METTL17: variants seen among roughly 807,000 people sequenced by gnomAD.
METTL17 encodes the protein ribosome assembly protein METTL17, mitochondrial.
METTL17 carries 49 observed loss-of-function variants against 59.4 expected under a neutral mutation model. The ratio of observed to expected loss-of-function variants is 0.82; its 90% CI spans 0.66 to 1.05. METTL17 has a LOEUF of 1.05. Among genes scored for constraint, METTL17 ranks in the 50% least tolerant of loss-of-function variants. The probability of loss-of-function intolerance (pLI) is 0.00; values close to 1 mark genes in which losing one functional copy is unlikely to be tolerated. For missense variants in METTL17, 555 were observed against 578.4 expected, an observed-to-expected ratio of 0.96 and a Z score of 0.41; for synonymous variants, 208 against 209.2, an observed-to-expected ratio of 0.99 and a Z score of 0.05.
rs1000662131 is a variant in METTL17, at chr14:20,992,437, G to A, written c.447-104G>A. ...TTTTGTATTGGGGAGTGAAAGGCCT[G>A]AGCTGGAAGAGCCCTTTCCAAGATG... is the stretch of plus-strand genomic sequence containing the variant. On this transcript the variant is annotated intron_variant, in intron 4 of 13. Coordinates refer to ENST00000339374, the MANE Select transcript of METTL17 (RefSeq NM_022734.3). The A allele has an allele frequency of 3.4e-5, 33 of 975,100 alleles. No homozygotes were observed. In the East Asian group the frequency reaches 6.0e-4, roughly 18 times the overall value. The allele number at this position is 975,100 out of a possible 1,614,324, so 60.4% of individuals were successfully genotyped here.
At chr14:20,990,743 T>G (rs1271183099) in intron 3 of METTL17, 145 bp downstream of exon 3, 1 of 994,958 alleles carries the variant, frequency 1.0e-6, no homozygotes, top group Admixed American at 2.8e-5. Flanking sequence ...AATGATGCCT[T>G]ACTAAAAGAA....
chr14:20,990,785 G>T (rs921374312), intron 3 of METTL17, 187 bp downstream of exon 3: 2 of 712,742 alleles, frequency 2.8e-6, no homozygotes, highest in Non-Finnish European at 2.3e-6. Context: ...CTTAGGTAAA[G>T]GTCAGAATGT....
intron 12 of METTL17, 85 bp downstream of exon 12, chr14:20,996,377 A>ACC: frequency 6.6e-7 from 1 of 1,514,196 alleles, no homozygotes. Context: ...GGAGTTGGAT[A>ACC]ATTTGTAGAA....
chr14:20,990,736 G>A, intron 3 of METTL17, 138 bp downstream of exon 3: 1 of 1,051,640 alleles, frequency 9.5e-7, no homozygotes, highest in Non-Finnish European at 1.4e-6. Flanking sequence ...TTGTTACAAT[G>A]ATGCCTTACT....
chr14:20,991,110 G>GAACC (rs2054697299), intron 3 of METTL17, among the ~76,000 whole-genome samples: 1 of 152,104 alleles, frequency 6.6e-6, no homozygotes, highest in Admixed American at 6.6e-5. Flanking sequence ...TTACAGGCAT[G>GAACC]AACCACCGCG....
At position 20,990,470 on chromosome 14, in the gene METTL17, C is replaced by T; in HGVS notation, c.236C>T (p.Ala79Val). The change falls in exon 3 of 14, where the codon GCT becomes GTT. Residue 79 changes from alanine (A) to valine (V), a missense_variant. By Grantham distance (64) the Ala-to-Val change is moderately conservative. Transcript: ENST00000339374. ...NGAQLLLLGS[A>V]GPTMENQVQT... Reference sequence around the variant, plus strand: ...TTTCGTCTTTGGCCCATAGGGAGCGCTGGGCCCACTATGGAGAATCAGGTG... The same window carrying T: ...TTTCGTCTTTGGCCCATAGGGAGCGTTGGGCCCACTATGGAGAATCAGGTG... 1.2e-6 allele frequency: 2 copies of T among 1,614,210 alleles called. No individual in the cohort carries two copies. Among genetic ancestry groups the T allele is most frequent in the South Asian group, 1.1e-5 (1 of 91,088 alleles).
In METTL17 at chr14:20,996,928, G is replaced by A. The variant is rs199559867; in HGVS notation, c.*38G>A. On this transcript the variant is annotated 3_prime_UTR_variant, in exon 14 of 14. Transcript: ENST00000339374. Reference sequence around the variant, plus strand: ...ACAAGTATTTTCTTCTATCGTGCCTGCCAGGGCTGAAGCTGCCTGGTATCC... The same window carrying A: ...ACAAGTATTTTCTTCTATCGTGCCTACCAGGGCTGAAGCTGCCTGGTATCC... The A allele has an allele frequency of 1.7e-4, 274 of 1,573,886 alleles. 2 individuals are homozygous for A. The African/African-American group carries it at 3.5e-3, about 20-fold the overall frequency.
chr14:20,994,866 G>A lies in METTL17; in HGVS notation c.841G>A (p.Val281Ile). The change falls in exon 9 of 14, where the codon GTT (valine) becomes ATT (isoleucine). Residue 281 changes from valine (V) to isoleucine (I), a missense_variant. Val to Ile is a conservative substitution (Grantham distance 29, BLOSUM62 3). Coordinates refer to ENST00000339374, the MANE Select transcript of METTL17 (RefSeq NM_022734.3). ...LPSKADRTEV[V>I]QTLWRKTGHF... Reference sequence around the variant, plus strand: ...CAGCAAGGCTGACCGCACTGAGGTAGTTCAAACCTTATGGCGTAAGACAGG... The same window carrying A: ...CAGCAAGGCTGACCGCACTGAGGTAATTCAAACCTTATGGCGTAAGACAGG... 2 of 1,614,102 alleles carry A rather than the reference G, an allele frequency of 1.2e-6. No individual in the cohort carries two copies. The highest frequency in any genetic ancestry group is 8.5e-7 in the Non-Finnish European group (1 of 1,179,994).
At chr14:20,991,537 T>A (rs2741735) in intron 3 of METTL17, among the ~76,000 whole-genome samples, 48,894 of 106,932 alleles carry the variant, frequency 0.46, 7,951 homozygotes, top group Middle Eastern at 0.58. Context: ...TTAAAAAAAA[T>A]TTTTTTTTTT....
Position 20,996,267 on chromosome 14 carries a change from C to T in METTL17, c.1055C>T (p.Ala352Val), listed in dbSNP as rs758407608. 49 of 1,613,974 alleles carry T rather than the reference C, an allele frequency of 3.0e-5. No individual in the cohort carries two copies. The East Asian group carries it at 6.5e-4, about 21-fold the overall frequency. The change falls in exon 12 of 14, where the codon GCG becomes GTG. Residue 352 changes from alanine (A) to valine (V), a missense_variant. By Grantham distance (64) the Ala-to-Val change is moderately conservative. Transcript: ENST00000339374. ...AACCTGGCCTGTAGCTTCTCACAGGCGTACCATCCCATCCCCTTCAGCTGG... is the reference window on the plus strand; with the variant it reads ...AACCTGGCCTGTAGCTTCTCACAGGTGTACCATCCCATCCCCTTCAGCTGG... ...LTNLACSFSQ[A>V]YHPIPFSWNK...
At position 20,994,009 on chromosome 14, in the gene METTL17, A is replaced by G; in HGVS notation, c.643A>G (p.Met215Val). ...SIWGQSLREY[M>V]CVDRSAAMLV... ...TTGGGGCCAGAGCCTACGTGAATAT[A>G]TGTGTGTGGACAGATCAGCTGCCAT... The change falls in exon 7 of 14, where the codon ATG becomes GTG. Residue 215 changes from methionine to valine, a missense_variant. Transcript: ENST00000339374. 6.2e-7 allele frequency: 1 copy of G among 1,613,748 alleles called. No individual in the cohort carries two copies. The highest frequency in any genetic ancestry group is 8.5e-7 in the Non-Finnish European group (1 of 1,179,846).
intron 3 of METTL17, 146 bp from the exon 4 acceptor site, chr14:20,991,978 C>T (rs767993306): frequency 1.3e-5 from 9 of 676,692 alleles, no homozygotes; most frequent in Non-Finnish European, 2.3e-5. Flanking sequence ...TTGCCTGAAA[C>T]TTTTCTCTAG....
chr14:20,991,140 T>G (rs974485775), intron 3 of METTL17, among the ~76,000 whole-genome samples: 6 of 152,170 alleles, frequency 3.9e-5, no homozygotes, highest in African/African-American at 1.4e-4. Flanking sequence ...CAATATACTG[T>G]TAAAATCTAG....
At chr14:20,994,738 G>C in intron 8 of METTL17, 56 bp from the exon 9 acceptor site, 3 of 1,541,204 alleles carry the variant, frequency 1.9e-6, no homozygotes, top group Non-Finnish European at 2.7e-6. Context: ...GGACTTTGTT[G>C]TATTCTTGGG....
chr14:20,990,552 G>A lies in METTL17; in HGVS notation c.318G>A (p.Leu106=). Residue 106 remains leucine (L), a synonymous_variant, in exon 3 of 14, where the codon TTG becomes TTA. Coordinates refer to ENST00000339374, the MANE Select transcript of METTL17 (RefSeq NM_022734.3). ...ATTTGCCTGTAGAGCCAGAGGAGTT[G>A]CAAAGACGGGCTAGGCATCTTGAGA... is the stretch of plus-strand genomic sequence containing the variant. The part of the protein sequence containing the change: ...SRHLPVEPEE[L]QRRARHLEKK... The A allele has an allele frequency of 6.2e-7, 1 of 1,614,236 alleles. No homozygotes were observed. Among genetic ancestry groups the A allele is most frequent in the Non-Finnish European group, 8.5e-7 (1 of 1,180,050 alleles).
In METTL17 at chr14:20,996,675, T is replaced by C; in HGVS notation, c.1229T>C (p.Met410Thr). The change falls in exon 13 of 14, where the codon ATG becomes ACG. Residue 410 changes from methionine (M) to threonine (T), a missense_variant. Transcript: ENST00000339374. ...HCHLCCPDGHMQHAVLTARRH... is the reference protein window; with the variant it reads ...HCHLCCPDGHTQHAVLTARRH... ...CACTTGTGCTGTCCAGATGGGCACA[T>C]GCAGCATGCTGTGCTCACAGCCCGC... 2 of 1,614,236 alleles carry C rather than the reference T, an allele frequency of 1.2e-6. No individual in the cohort carries two copies. Among genetic ancestry groups the C allele is most frequent in the Non-Finnish European group, 1.7e-6 (2 of 1,180,026 alleles).
intron 6 of METTL17, 67 bp from the exon 7 acceptor site, chr14:20,993,902 T>C: frequency 8.6e-7 from 1 of 1,168,630 alleles, no homozygotes; most frequent in Non-Finnish European, 1.3e-6. Flanking sequence ...TGGGTGTAAA[T>C]GGGCCTCTTG....
Position 20,990,527 on chromosome 14 carries a change from A to G in METTL17, c.293A>G (p.His98Arg). The change falls in exon 3 of 14, where the codon CAT becomes CGT. Residue 98 changes from histidine to arginine, a missense_variant. By Grantham distance (29) the His-to-Arg change is conservative (BLOSUM62 0). Coordinates refer to ENST00000339374, the MANE Select transcript of METTL17 (RefSeq NM_022734.3). ...CTGACCAGTTATCTCTGGAGCAGAC[A>G]TTTGCCTGTAGAGCCAGAGGAGTTG... is the stretch of plus-strand genomic sequence containing the variant. ...QTLTSYLWSR[H>R]LPVEPEELQR... 1.2e-6 allele frequency: 2 copies of G among 1,614,238 alleles called. No homozygotes were observed. Among genetic ancestry groups the G allele is most frequent in the East Asian group, 4.5e-5 (2 of 44,880 alleles).
Position 20,996,211 on chromosome 14 carries a change from TC to T in METTL17, c.1003del (p.His335MetfsTer8). 6.2e-7 allele frequency: 1 copy of T among 1,613,492 alleles called. No homozygotes were observed. Among genetic ancestry groups the T allele is most frequent in the Non-Finnish European group, 8.5e-7 (1 of 1,179,430 alleles). ...PRPGFVFAPC[P>X]HELPCPQLTN... Reference sequence around the variant, plus strand: ...CTCATTTTTTTATGTGTTCACAGTGTCCCCATGAACTCCCTTGTCCCCAGTT... The same window carrying T: ...CTCATTTTTTTATGTGTTCACAGTGTCCCATGAACTCCCTTGTCCCCAGTT... On this transcript the variant is annotated frameshift_variant, in exon 12 of 14. Transcript: ENST00000339374. LOFTEE classifies it high-confidence loss of function.
Sources: gnomAD v4.1 joint callset for allele counts (sites outside exome capture counted in the v4.1 genomes callset) on GRCh38, gnomAD v4.1.1 for gene constraint, MANE v1.5 for transcripts, NCBI Gene and HGNC (gene_info 2026-07-23, HGNC 2026-07-21) for gene names.